The following DGKI variants were observed in gnomAD, a reference collection of about 807,000 sequenced individuals.
DGKI encodes the protein diacylglycerol kinase iota, also known as DAG kinase iota.
Under a neutral mutation model 147.5 loss-of-function variants are expected in DGKI, and 55 were observed. That is an observed-to-expected ratio of 0.37 (90% CI 0.30 to 0.47). DGKI has a LOEUF of 0.47. DGKI is among the 20% of genes least tolerant of loss of function. The probability of loss-of-function intolerance (pLI) is 1.00; values close to 1 mark genes in which losing one functional copy is unlikely to be tolerated. For synonymous variants in DGKI, 469 were observed against 477.1 expected (o/e 0.98, Z 0.22); for missense variants, 1,007 against 1,323.8 (o/e 0.76, Z 3.71).
At chr7:137,573,943 T>C (rs552040859) in intron 17 of DGKI, among the ~76,000 whole-genome samples, 25 of 152,376 alleles carry the variant, frequency 1.6e-4, no homozygotes, top group African/African-American at 5.8e-4. Context: ...GACTATAGAC[T>C]TTCCGATGTC....
chr7:137,643,948 T>C (rs757524066), intron 6 of DGKI, among the ~76,000 whole-genome samples: 1 of 152,214 alleles, frequency 6.6e-6, no homozygotes, highest in Non-Finnish European at 1.5e-5. Context: ...TACTACTCTT[T>C]ACATCTCTGA....
intron 1 of DGKI, among the ~76,000 whole-genome samples, chr7:137,791,763 C>T (rs532084936): frequency 6.6e-6 from 1 of 152,200 alleles, no homozygotes; most frequent in South Asian, 2.1e-4. Context: ...CTGACATTTG[C>T]TTCAGAGAAT....
At chr7:137,578,096 A>G (rs1819051569) in intron 16 of DGKI, among the ~76,000 whole-genome samples, 174 bp downstream of exon 16, 1 of 152,192 alleles carries the variant, frequency 6.6e-6, no homozygotes, top group African/African-American at 2.4e-5. Flanking sequence ...CAGCTAACTT[A>G]AGAAATACAC....
At chr7:137,467,051 C>T (rs545682869) in intron 24 of DGKI, 109 bp from the exon 25 acceptor site, 2 of 1,020,764 alleles carry the variant, frequency 2.0e-6, no homozygotes, top group South Asian at 1.3e-5. Context: ...GGCAGTCATG[C>T]TAGTCTCCTG....
At chr7:137,558,740 A>T (rs1563084621) in intron 19 of DGKI, among the ~76,000 whole-genome samples, 1 of 129,724 alleles carries the variant, frequency 7.7e-6, no homozygotes, top group Non-Finnish European at 1.5e-5. Flanking sequence ...GTATGCTGCT[A>T]CAATCACTTT....
intron 1 of DGKI, among the ~76,000 whole-genome samples, chr7:137,763,896 A>G (rs1795931543): frequency 6.6e-6 from 1 of 152,238 alleles, no homozygotes; most frequent in Non-Finnish European, 1.5e-5. Flanking sequence ...GCATGCTGTA[A>G]TACTTCTAAC....
intron 32 of DGKI, 83 bp downstream of exon 32, chr7:137,395,515 T>A: frequency 7.7e-7 from 1 of 1,294,128 alleles, no homozygotes; most frequent in Non-Finnish European, 1.1e-6. Context: ...AGAAAGGATG[T>A]CCGTGCTATG....
chr7:137,636,985 T>A (rs2129003880), intron 6 of DGKI, among the ~76,000 whole-genome samples: 1 of 152,272 alleles, frequency 6.6e-6, no homozygotes, highest in Admixed American at 6.5e-5. Flanking sequence ...AGCCAAATAA[T>A]CCTCTCTTCT....
chr7:137,759,589 G>A (rs949725476), intron 1 of DGKI, among the ~76,000 whole-genome samples: 2 of 152,044 alleles, frequency 1.3e-5, no homozygotes, highest in South Asian at 2.1e-4. Context: ...TGATCTGCCC[G>A]CCTCAGCCTC....
chr7:137,550,218 T>C (rs1818000106), intron 20 of DGKI, among the ~76,000 whole-genome samples: 1 of 149,364 alleles, frequency 6.7e-6, no homozygotes, highest in South Asian at 2.1e-4. Context: ...CAGGCTGGAG[T>C]GCAGTGGTGT....
chr7:137,501,048 A>G (rs1816153320), intron 21 of DGKI, among the ~76,000 whole-genome samples: 3 of 152,024 alleles, frequency 2.0e-5, no homozygotes, highest in Non-Finnish European at 1.5e-5. Flanking sequence ...GTCTCTGGTA[A>G]TCACTATTCT....
intron 1 of DGKI, chr7:137,722,915 T>G (rs959365474): frequency 1.2e-5 from 8 of 677,934 alleles, no homozygotes; most frequent in Non-Finnish European, 1.7e-5. Context: ...TATAGCATAG[T>G]GAGTGGTGAA....
At chr7:137,682,305 G>C (rs371645162) in intron 2 of DGKI, among the ~76,000 whole-genome samples, 1 of 152,108 alleles carries the variant, frequency 6.6e-6, no homozygotes, top group African/African-American at 2.4e-5. Flanking sequence ...TCAGGAACCC[G>C]TCTCCAGCTC....
At chr7:137,405,279 T>C (rs1811901555) in intron 30 of DGKI, among the ~76,000 whole-genome samples, 2 of 152,088 alleles carry the variant, frequency 1.3e-5, no homozygotes, top group South Asian at 2.1e-4. Flanking sequence ...AGAGTCTGGC[T>C]CAGCTGCCCA....
At position 137,535,780 on chromosome 7, in the gene DGKI, C is replaced by T. The variant is rs1563073398; in HGVS notation, c.2148-13814G>A. Among the ~76,000 whole-genome samples the T allele has an allele frequency of 3.9e-5, 6 of 152,192 alleles. 1 individual carries two copies. Among genetic ancestry groups the T allele is most frequent in the East Asian group, 1.9e-4 (1 of 5,168 alleles). On this transcript the variant is annotated intron_variant, in intron 20 of 32. Coordinates refer to ENST00000614521, the MANE Select transcript of DGKI (RefSeq NM_001321708.2). ...GGGCCCTAAGTGTATTGCGCCTTTA[C>T]ATAAGTGGACTGATTGCCGAGCTCT...
In DGKI at chr7:137,582,434, C is replaced by CTATATA. The variant is rs1554436072; in HGVS notation, c.1564-512_1564-507dup. On this transcript the variant is annotated intron_variant, in intron 14 of 32. Coordinates refer to ENST00000614521, the MANE Select transcript of DGKI (RefSeq NM_001321708.2). Reference sequence around the variant, plus strand: ...CCATTTTCTCTCTCTCTCTCTCTCTCTATATATATATATATATACACACAC... The same window carrying CTATATA: ...CCATTTTCTCTCTCTCTCTCTCTCTCTATATATATATATATATATATATACACACAC... Among the ~76,000 whole-genome samples the CTATATA allele has an allele frequency of 1.1e-4, 16 of 148,446 alleles. No homozygotes were observed. The South Asian group carries it at 2.4e-3, about 22-fold the overall frequency.
In DGKI at chr7:137,585,489, G is replaced by A. The variant is rs76726564; in HGVS notation, c.1426-143C>T. On this transcript the variant is annotated intron_variant, in intron 13 of 32. Transcript: ENST00000614521. Reference sequence around the variant, plus strand: ...TGAAGAGCAAATTTTTTACCTTGAGGTACTTAGAATTTGAGACAATACTAT... The same window carrying A: ...TGAAGAGCAAATTTTTTACCTTGAGATACTTAGAATTTGAGACAATACTAT... 7,225 of 901,534 alleles carry A rather than the reference G, an allele frequency of 8.0e-3. 40 individuals carry two copies. Among genetic ancestry groups the A allele is most frequent in the Non-Finnish European group, 9.3e-3 (5,704 of 612,170 alleles). The allele number at this position is 901,534 out of a possible 1,614,324, so 55.8% of individuals were successfully genotyped here.
intron 27 of DGKI, among the ~76,000 whole-genome samples, chr7:137,457,578 G>A (rs577450136): frequency 4.6e-5 from 7 of 152,176 alleles, no homozygotes; most frequent in Middle Eastern, 3.4e-3. Flanking sequence ...TTATCTTCTC[G>A]ATATAGTGAT....
intron 20 of DGKI, among the ~76,000 whole-genome samples, chr7:137,548,247 G>GACT (rs1371281667): frequency 6.6e-6 from 1 of 152,188 alleles, no homozygotes; most frequent in South Asian, 2.1e-4. Context: ...GAGAGTCAAA[G>GACT]ACTTGGGAAA....
Sources: allele counts gnomAD v4.1 joint callset (sites outside exome capture counted in the v4.1 genomes callset), GRCh38; gene constraint gnomAD v4.1.1; transcripts MANE v1.5; gene names NCBI Gene and HGNC (gene_info 2026-07-23, HGNC 2026-07-21).